MINAR1: variants seen among roughly 807,000 people sequenced by gnomAD.
MINAR1 encodes the protein membrane integral NOTCH2 associated receptor 1, also known as major intrinsically disordered Notch2-binding receptor 1.
In MINAR1, 40 loss-of-function variants were observed where a neutral mutation model predicts 65.1. The ratio of observed to expected loss-of-function variants is 0.61; its 90% confidence interval spans 0.48 to 0.80. The LOEUF is 0.80. MINAR1 is among the 30% of genes least tolerant of loss of function. The pLI, the probability that MINAR1 is intolerant of heterozygous loss-of-function variation, is 0.00. For missense variants in MINAR1, 1,128 were observed against 1,148.0 expected, an observed-to-expected ratio of 0.98 and a Z score of 0.25; for synonymous variants, 482 against 449.1, an observed-to-expected ratio of 1.07 and a Z score of -0.93.
intron 1 of MINAR1, among the ~76,000 whole-genome samples, chr15:79,442,919 AAAG>A (rs1168252694): frequency 1.3e-5 from 2 of 152,148 alleles, no homozygotes; most frequent in Non-Finnish European, 2.9e-5. Flanking sequence ...TTTTTAAAGA[AAAG>A]AATATGATAT....
In MINAR1 at chr15:79,458,416, A is replaced by G. The variant is rs774337278; in HGVS notation, c.2269A>G (p.Asn757Asp). The change falls in exon 2 of 4, where the codon AAT becomes GAT. Residue 757 changes from asparagine (N) to aspartate (D), a missense_variant. By Grantham distance (23) the Asn-to-Asp change is conservative (BLOSUM62 1). Transcript: ENST00000305428. ...EEIKDTGPGD[N>D]KDWHRKSKEA... ...GATAAAAGACACAGGCCCAGGAGAT[A>G]ATAAAGACTGGCATCGGAAATCTAA... is the stretch of plus-strand genomic sequence containing the variant. 6.2e-7 allele frequency: 1 copy of G among 1,609,498 alleles called. No individual in the cohort carries two copies. Among genetic ancestry groups the G allele is most frequent in the Admixed American group, 1.7e-5 (1 of 59,144 alleles).
chr15:79,457,023 G>T lies in MINAR1; in HGVS notation c.876G>T (p.Lys292Asn). ...AGCACAGGGAACCCCAGAGTCGAAA[G>T]GAACCCCACAAGCCACCCTTCTTCA... Reference protein sequence around the residue: ...ENEHREPQSRKEPHKPPFFNH... With the variant: ...ENEHREPQSRNEPHKPPFFNH... Residue 292 changes from lysine (K) to asparagine (N), a missense_variant, in exon 2 of 4, where the codon AAG (lysine) becomes AAT (asparagine). Transcript: ENST00000305428. 1 of 1,613,936 alleles carries T rather than the reference G, an allele frequency of 6.2e-7. No homozygotes were observed. Among genetic ancestry groups the T allele is most frequent in the Non-Finnish European group, 8.5e-7 (1 of 1,179,912 alleles).
At chr15:79,413,046 A>T in the MINAR1 span, 1 of 152,140 alleles carries the variant, frequency 6.6e-6, no homozygotes, top group African/African-American at 2.4e-5. Flanking sequence ...ATCAAATAGG[A>T]TACAAGAGAA....
chr15:79,418,636 A>G, the MINAR1 span: 1 of 152,322 alleles, frequency 6.6e-6, no homozygotes, highest in East Asian at 1.9e-4. Context: ...TAAGTGAACA[A>G]TTTGGGACAG....
Position 79,458,342 on chromosome 15 carries a change from A to G in MINAR1, c.2195A>G (p.Asp732Gly), listed in dbSNP as rs1895517852. The G allele has an allele frequency of 6.2e-7, 1 of 1,614,110 alleles. No individual in the cohort carries two copies. The highest frequency in any genetic ancestry group is 8.5e-7 in the Non-Finnish European group (1 of 1,180,048). Reference protein sequence around the residue: ...KIASISNSPRDWRTITYTNRV... With the variant: ...KIASISNSPRGWRTITYTNRV... ...GCCAGCATCTCCAACTCGCCCAGAGACTGGCGCACCATCACTTATACCAAC... is the reference window on the plus strand; with the variant it reads ...GCCAGCATCTCCAACTCGCCCAGAGGCTGGCGCACCATCACTTATACCAAC... The change falls in exon 2 of 4, where the codon GAC becomes GGC. Residue 732 changes from aspartate (D) to glycine (G), a missense_variant. Coordinates refer to ENST00000305428, the MANE Select transcript of MINAR1 (RefSeq NM_015206.3).
At chr15:79,441,379 A>C (rs1331645862) in intron 1 of MINAR1, among the ~76,000 whole-genome samples, 1 of 152,224 alleles carries the variant, frequency 6.6e-6, no homozygotes, top group Non-Finnish European at 1.5e-5. Flanking sequence ...TAAAAATTAA[A>C]CATGCCAATA....
At chr15:79,449,162 G>A (rs1223322656) in intron 1 of MINAR1, among the ~76,000 whole-genome samples, 2 of 152,142 alleles carry the variant, frequency 1.3e-5, no homozygotes, top group African/African-American at 2.4e-5. Context: ...TCTTCCCTTC[G>A]CTGTATACGG....
Position 79,457,776 on chromosome 15 carries a change from C to T in MINAR1, c.1629C>T (p.Asn543=), listed in dbSNP as rs149676281. 1.4e-5 allele frequency: 22 copies of T among 1,614,044 alleles called. 2 individuals carry two copies. The highest frequency in any genetic ancestry group is 1.6e-4 in the Middle Eastern group (1 of 6,084). Residue 543 remains asparagine, a synonymous_variant, in exon 2 of 4, where the codon AAC becomes AAT. Coordinates refer to ENST00000305428, the MANE Select transcript of MINAR1 (RefSeq NM_015206.3). ...STGVIQSSCY[N]STGSLSQLHK... is the part of the protein sequence containing the mutation. ...GAGTGATACAGTCGTCCTGCTACAA[C>T]AGCACAGGATCCTTGTCTCAGCTCC...
intron 1 of MINAR1, among the ~76,000 whole-genome samples, chr15:79,449,260 C>T (rs1567053903): frequency 6.6e-6 from 1 of 152,212 alleles, no homozygotes; most frequent in South Asian, 2.1e-4. Flanking sequence ...CTCAGGCTTG[C>T]TCTGCTCTAA....
chr15:79,458,549 CTG>C, intron 2 of MINAR1, 104 bp downstream of exon 2: 2 of 1,362,614 alleles, frequency 1.5e-6, no homozygotes, highest in Non-Finnish European at 2.0e-6. Flanking sequence ...GGCCTGGCCT[CTG>C]TGTGCCAGTC....
chr15:79,431,101 C>T (rs1894425505), upstream of MINAR1, among the ~76,000 whole-genome samples: 1 of 151,808 alleles, frequency 6.6e-6, no homozygotes, highest in Non-Finnish European at 1.5e-5. Context: ...AGGGAAAAGC[C>T]GCCACAGCCC....
intron 2 of MINAR1, among the ~76,000 whole-genome samples, chr15:79,462,848 G>A (rs1006395421): frequency 1.3e-5 from 2 of 152,100 alleles, no homozygotes; most frequent in African/African-American, 4.8e-5. Context: ...ACCTTTTTCT[G>A]GCACAGAAAT....
chr15:79,457,760 A>G lies in MINAR1; in HGVS notation c.1613A>G (p.Gln538Arg), dbSNP rs756471785. 2 of 1,614,200 alleles carry G rather than the reference A, an allele frequency of 1.2e-6. No individual in the cohort carries two copies. Among genetic ancestry groups the G allele is most frequent in the South Asian group, 2.2e-5 (2 of 91,082 alleles). Residue 538 changes from glutamine to arginine, a missense_variant, in exon 2 of 4, where the codon CAG becomes CGG. Coordinates refer to ENST00000305428, the MANE Select transcript of MINAR1 (RefSeq NM_015206.3). ...MSISGSTGVI[Q>R]SSCYNSTGSL... ...ATCAGTGGCTCCACGGGAGTGATAC[A>G]GTCGTCCTGCTACAACAGCACAGGA...
the MINAR1 span, chr15:79,426,623 G>A: frequency 6.6e-6 from 1 of 152,356 alleles, no homozygotes; most frequent in East Asian, 1.9e-4. Flanking sequence ...AACTCAAGCT[G>A]TAGTATGCTC....
chr15:79,427,989 T>C (rs901841799), upstream of MINAR1, among the ~76,000 whole-genome samples: 4 of 152,146 alleles, frequency 2.6e-5, no homozygotes, highest in Non-Finnish European at 4.4e-5. Context: ...CTGCTTGCCG[T>C]TTTGTCGGCC....
intron 3 of MINAR1, among the ~76,000 whole-genome samples, chr15:79,466,893 A>G (rs989727288): frequency 6.6e-6 from 1 of 152,216 alleles, no homozygotes; most frequent in Non-Finnish European, 1.5e-5. Context: ...CTCTGAGAGC[A>G]GGTGTCCAAT....
At chr15:79,452,596 G>A (rs1057077599) in intron 1 of MINAR1, among the ~76,000 whole-genome samples, 4 of 150,654 alleles carry the variant, frequency 2.7e-5, no homozygotes, top group African/African-American at 9.8e-5. Context: ...GTGTAGGTGT[G>A]AGTCTGGGTT....
the MINAR1 span, chr15:79,420,939 C>G: frequency 1.3e-5 from 2 of 152,460 alleles, no homozygotes; most frequent in East Asian, 3.9e-4. Flanking sequence ...TGATTGTAAT[C>G]ACATGGTGAC....
chr15:79,437,333 TGA>T (rs1894630612), intron 1 of MINAR1, among the ~76,000 whole-genome samples: 2 of 150,428 alleles, frequency 1.3e-5, no homozygotes, highest in African/African-American at 4.9e-5. Flanking sequence ...TGATTGGGTG[TGA>T]GTGAGTAGTG....
Sources: gnomAD v4.1 joint callset for allele counts (sites outside exome capture counted in the v4.1 genomes callset) on GRCh38, gnomAD v4.1.1 for gene constraint, MANE v1.5 for transcripts, NCBI Gene and HGNC (gene_info 2026-07-23, HGNC 2026-07-21) for gene names.